The following GRID1 variants were observed in gnomAD, a reference collection of about 807,000 sequenced individuals.
GRID1 encodes glutamate ionotropic receptor delta type subunit 1.
A neutral mutation model predicts 98.0 loss-of-function variants in GRID1; 28 were observed. The ratio of observed to expected loss-of-function variants is 0.29; its 90% CI spans 0.21 to 0.39. GRID1 has a LOEUF of 0.39. Among genes scored for constraint, GRID1 ranks in the 10% least tolerant of loss-of-function variants. The probability of loss-of-function intolerance (pLI) is 1.00; values close to 1 mark genes in which losing one functional copy is unlikely to be tolerated. For missense variants in GRID1, 1,111 were observed against 1,340.5 expected (o/e 0.83, Z 2.67); for synonymous variants, 553 against 538.5 (o/e 1.03, Z -0.37).
chr10:85,607,863 G>C (rs956694001), intron 15 of GRID1, among the ~76,000 whole-genome samples: 7 of 149,560 alleles, frequency 4.7e-5, no homozygotes, highest in Non-Finnish European at 1.0e-4. Context: ...TGTCACCCAG[G>C]CTAGAGTGCA....
chr10:85,781,443 T>C (rs2949383), intron 8 of GRID1, among the ~76,000 whole-genome samples: 90,500 of 152,106 alleles, frequency 0.59, 27,847 homozygotes, highest in East Asian at 0.74. Context: ...TGTAGTATGT[T>C]TCTGACAAAT....
chr10:86,169,244 G>A (rs988681120), intron 3 of GRID1, among the ~76,000 whole-genome samples: 12 of 152,168 alleles, frequency 7.9e-5, no homozygotes, highest in African/African-American at 2.9e-4. Flanking sequence ...ATGACCTTAG[G>A]CCAAACAGAT....
chr10:86,153,646 C>CAAGAACAGCA (rs1845201535), intron 3 of GRID1, among the ~76,000 whole-genome samples: 1 of 152,186 alleles, frequency 6.6e-6, no homozygotes. Context: ...GGGGACATGG[C>CAAGAACAGCA]TGGATACCCC....
chr10:85,975,120 G>C (rs1489660560), intron 4 of GRID1, among the ~76,000 whole-genome samples: 1 of 152,206 alleles, frequency 6.6e-6, no homozygotes, highest in East Asian at 1.9e-4. Context: ...TTGCCCAAAT[G>C]AATTTGTCCA....
chr10:86,203,683 A>G (rs1385738011), intron 3 of GRID1, among the ~76,000 whole-genome samples: 2 of 151,816 alleles, frequency 1.3e-5, no homozygotes, highest in African/African-American at 2.4e-5. Flanking sequence ...GAGAGCCAGA[A>G]GGGCTAGCAC....
intron 4 of GRID1, among the ~76,000 whole-genome samples, chr10:86,096,758 T>C (rs1384235044): frequency 2.0e-5 from 3 of 152,208 alleles, no homozygotes; most frequent in African/African-American, 7.2e-5. Flanking sequence ...AATACTTAGT[T>C]ACACCACCAG....
At chr10:86,179,614 C>T (rs1845626572) in intron 3 of GRID1, among the ~76,000 whole-genome samples, 1 of 152,196 alleles carries the variant, frequency 6.6e-6, no homozygotes, top group Non-Finnish European at 1.5e-5. Context: ...CCTGGGTCCC[C>T]AGTCACTGCT....
At chr10:86,149,827 T>C (rs1450636793) in intron 3 of GRID1, among the ~76,000 whole-genome samples, 1 of 152,224 alleles carries the variant, frequency 6.6e-6, no homozygotes, top group Non-Finnish European at 1.5e-5. Flanking sequence ...CCGCGGTGTT[T>C]ATCTGCTACT....
rs1450141975 is a variant in GRID1 at position 85,979,295 on chromosome 10, G to A, written c.727-63056C>T. On this transcript the variant is annotated intron_variant, in intron 4 of 15. Coordinates refer to ENST00000327946, the MANE Select transcript of GRID1 (RefSeq NM_017551.3). ...CACCAGTGGGACCCAAGAGTGGTGA[G>A]GTCTTGGAGGTCCCCAAGTTTTCTA... Among the ~76,000 whole-genome samples, 3 of 152,150 alleles carry A rather than the reference G, an allele frequency of 2.0e-5. No individual in the cohort carries two copies. The South Asian group carries it at 6.2e-4, about 32-fold the overall frequency.
intron 4 of GRID1, among the ~76,000 whole-genome samples, chr10:85,952,201 G>A (rs989122402): frequency 2.6e-5 from 4 of 152,176 alleles, no homozygotes; most frequent in Non-Finnish European, 5.9e-5. Flanking sequence ...ACACAACAGA[G>A]CAATTGAACA....
At chr10:86,210,661 G>A (rs961163189) in intron 2 of GRID1, among the ~76,000 whole-genome samples, 5 of 152,190 alleles carry the variant, frequency 3.3e-5, no homozygotes, top group African/African-American at 9.6e-5. Context: ...CGTTGTAAGC[G>A]CCAGGCCTCC....
intron 12 of GRID1, among the ~76,000 whole-genome samples, chr10:85,699,701 AT>A (rs1173477704): frequency 6.6e-6 from 1 of 152,208 alleles, no homozygotes; most frequent in Admixed American, 6.5e-5. Context: ...ATTGGAAGGA[AT>A]TCTACCTCAG....
chr10:85,803,148 G>A (rs12252417), intron 8 of GRID1, among the ~76,000 whole-genome samples: 40,591 of 151,852 alleles, frequency 0.27, 6,422 homozygotes, highest in African/African-American at 0.43. Flanking sequence ...AAAAGAATGA[G>A]TAAGAGCTAT....
At chr10:86,225,548 G>A (rs2132032183) in intron 2 of GRID1, among the ~76,000 whole-genome samples, 1 of 152,296 alleles carries the variant, frequency 6.6e-6, no homozygotes, top group East Asian at 1.9e-4. Flanking sequence ...GAGACAGCAG[G>A]GTCCAGAAGG....
At chr10:85,668,767 A>G (rs1418451205) in intron 12 of GRID1, among the ~76,000 whole-genome samples, 2 of 152,236 alleles carry the variant, frequency 1.3e-5, no homozygotes, top group Non-Finnish European at 2.9e-5. Flanking sequence ...CTCACAGTTC[A>G]GCAATGGCAG....
chr10:86,130,074 C>T (rs187101411), intron 4 of GRID1, among the ~76,000 whole-genome samples: 170 of 152,390 alleles, frequency 1.1e-3, no homozygotes, highest in African/African-American at 3.9e-3. Flanking sequence ...CAGTGCCATC[C>T]TCACCAGCCA....
chr10:85,881,306 A>G (rs551146115), intron 5 of GRID1, among the ~76,000 whole-genome samples: 3 of 152,272 alleles, frequency 2.0e-5, no homozygotes, highest in African/African-American at 4.8e-5. Flanking sequence ...AAAAGAGCCC[A>G]CATCACCAAG....
intron 12 of GRID1, among the ~76,000 whole-genome samples, chr10:85,670,765 C>G (rs73326669): frequency 0.025 from 3,787 of 152,244 alleles, 145 homozygotes; most frequent in African/African-American, 0.085. Flanking sequence ...CTGCCCTGAC[C>G]TACATGCCCA....
At chr10:85,654,267 A>G (rs1245114520) in intron 12 of GRID1, among the ~76,000 whole-genome samples, 1 of 152,218 alleles carries the variant, frequency 6.6e-6, no homozygotes, top group Non-Finnish European at 1.5e-5. Flanking sequence ...AAATTAAAAG[A>G]CACCCAAAAT....
Sources: allele counts gnomAD v4.1 joint callset (sites outside exome capture counted in the v4.1 genomes callset), GRCh38; gene constraint gnomAD v4.1.1; transcripts MANE v1.5; gene names NCBI Gene and HGNC (gene_info 2026-07-23, HGNC 2026-07-21).